Variants in DLG2 observed in about 807,000 individuals in gnomAD.
DLG2 encodes discs large MAGUK scaffold protein 2.
In DLG2, 45 loss-of-function variants were observed where a neutral mutation model predicts 132.5. The ratio of observed to expected loss-of-function variants is 0.34; its 90% CI spans 0.27 to 0.44. The LOEUF (loss-of-function observed/expected upper bound fraction) is 0.44. Among genes scored for constraint, DLG2 ranks in the 20% least tolerant of loss-of-function variants. The pLI is 1.00. For missense variants in DLG2, 1,045 were observed against 1,196.9 expected (o/e 0.87, Z 1.87); for synonymous variants, 424 against 419.6 (o/e 1.01, Z -0.13).
At chr11:85,270,000 T>G (rs968743319) in intron 4 of DLG2, among the ~76,000 whole-genome samples, 3 of 152,228 alleles carry the variant, frequency 2.0e-5, no homozygotes, top group South Asian at 2.1e-4. Flanking sequence ...AAGGGCCAGA[T>G]AAGTGTTAGC....
intron 3 of DLG2, among the ~76,000 whole-genome samples, chr11:85,531,166 A>G (rs1332713165): frequency 1.3e-5 from 2 of 152,234 alleles, no homozygotes; most frequent in Non-Finnish European, 2.9e-5. Context: ...TGCCAAGAGT[A>G]TGAAATCATT....
intron 5 of DLG2, among the ~76,000 whole-genome samples, chr11:85,137,832 C>G (rs2076225024): frequency 6.6e-6 from 1 of 152,126 alleles, no homozygotes; most frequent in Non-Finnish European, 1.5e-5. Context: ...AATAAATAGA[C>G]TGCAGGCAGG....
chr11:85,076,088 A>G lies in DLG2; in HGVS notation c.357+35573T>C, dbSNP rs142129882. ...TAAGCTTGTTGGTCAATCTTTCATCAAAGTAATAATGAATTTTTACCATGT... is the reference window on the plus strand; with the variant it reads ...TAAGCTTGTTGGTCAATCTTTCATCGAAGTAATAATGAATTTTTACCATGT... On this transcript the variant is annotated intron_variant, in intron 6 of 27. Transcript: ENST00000376104. Among the ~76,000 whole-genome samples the G allele has an allele frequency of 6.1e-4, 93 of 152,064 alleles. 1 individual carries two copies. The highest frequency in any genetic ancestry group is 2.2e-3 in the African/African-American group (90 of 41,538).
chr11:85,013,311 T>C (rs1001653757), intron 6 of DLG2, among the ~76,000 whole-genome samples: 6 of 152,168 alleles, frequency 3.9e-5, no homozygotes, highest in Admixed American at 1.3e-4. Flanking sequence ...TGACTCCCTC[T>C]TTCCTGAACC....
chr11:84,929,062 C>T (rs986828125), intron 6 of DLG2, among the ~76,000 whole-genome samples: 1 of 135,774 alleles, frequency 7.4e-6, no homozygotes, highest in Non-Finnish European at 1.5e-5. Flanking sequence ...ATTCTTGCCT[C>T]AGCTCACAAG....
intron 2 of DLG2, among the ~76,000 whole-genome samples, chr11:85,611,773 T>C (rs536715884): frequency 6.6e-6 from 1 of 152,216 alleles, no homozygotes; most frequent in East Asian, 1.9e-4. Context: ...GGAACCCCCA[T>C]TAAATACCAC....
chr11:85,004,249 T>C (rs2058452182), intron 6 of DLG2, among the ~76,000 whole-genome samples: 1 of 152,250 alleles, frequency 6.6e-6, no homozygotes, highest in African/African-American at 2.4e-5. Context: ...ATGGGATTGC[T>C]GAGGCAAATG....
chr11:83,522,115 C>G (rs1026569411), intron 21 of DLG2, among the ~76,000 whole-genome samples: 1 of 152,174 alleles, frequency 6.6e-6, no homozygotes, highest in Non-Finnish European at 1.5e-5. Flanking sequence ...ACCCTCTATT[C>G]GTTTACTTTT....
intron 3 of DLG2, 136 bp from the exon 4 acceptor site, chr11:85,285,501 A>T (rs2078498661): frequency 1.4e-6 from 1 of 714,314 alleles, no homozygotes; most frequent in Non-Finnish European, 2.2e-6. Context: ...CCCAAAGTAA[A>T]ACAGAAGAAA....
intron 18 of DLG2, among the ~76,000 whole-genome samples, chr11:83,691,181 G>C (rs750550952): frequency 5.9e-5 from 9 of 152,154 alleles, no homozygotes; most frequent in Non-Finnish European, 1.2e-4. Context: ...GGCAGAATCA[G>C]AGGTTTTTAG....
chr11:84,861,618 C>CAAAAAAAAAAAAAAAAAAAAAAAAAAAAA (rs1177657034), intron 6 of DLG2, among the ~76,000 whole-genome samples: 4 of 35,836 alleles, frequency 1.1e-4, no homozygotes, highest in African/African-American at 5.1e-4. Context: ...TTCTACACAG[C>CAAAAAAAAAAAAAAAAAAAAAAAAAAAAA]AAAAAAAAAA....
At chr11:85,191,918 A>C (rs1359891734) in intron 4 of DLG2, among the ~76,000 whole-genome samples, 1 of 152,222 alleles carries the variant, frequency 6.6e-6, no homozygotes, top group Non-Finnish European at 1.5e-5. Flanking sequence ...TTTGAGGCTC[A>C]GAAGTGTGAA....
intron 6 of DLG2, among the ~76,000 whole-genome samples, chr11:84,973,300 T>A (rs1460050007): frequency 6.6e-6 from 1 of 152,186 alleles, no homozygotes; most frequent in Non-Finnish European, 1.5e-5. Flanking sequence ...GACATGAGAA[T>A]ATCTTTTTAA....
In DLG2 at chr11:83,995,997, CT is replaced by C. The variant is rs534957420; in HGVS notation, c.920-15356del. ...AATGGGATCACAACAAGTTAAAAGG[CT>C]TCTGATAGTAAAGGAAACAATCAAC... On this transcript the variant is annotated intron_variant, in intron 11 of 27. Transcript: ENST00000376104. Among the ~76,000 whole-genome samples the C allele has an allele frequency of 3.3e-3, 501 of 152,118 alleles. 7 individuals carry two copies. Among genetic ancestry groups the C allele is most frequent in the African/African-American group, 0.011 (442 of 41,508 alleles).
intron 6 of DLG2, among the ~76,000 whole-genome samples, chr11:85,051,707 A>G (rs192545371): frequency 1.9e-3 from 287 of 152,344 alleles, no homozygotes; most frequent in African/African-American, 6.6e-3. Context: ...TAGCAGCTGT[A>G]TAACCTTGGC....
At chr11:84,560,384 G>T (rs1419395292) in intron 6 of DLG2, among the ~76,000 whole-genome samples, 1 of 152,200 alleles carries the variant, frequency 6.6e-6, no homozygotes, top group Admixed American at 6.5e-5. Context: ...CCAAGCAAGA[G>T]AAAAACACCC....
chr11:85,352,793 G>T (rs1022838124), intron 3 of DLG2, among the ~76,000 whole-genome samples: 6 of 152,136 alleles, frequency 3.9e-5, no homozygotes, highest in African/African-American at 1.4e-4. Flanking sequence ...TATGTAGAAA[G>T]CTGAAACTGG....
At chr11:83,661,450 T>A (rs2074249478) in intron 18 of DLG2, among the ~76,000 whole-genome samples, 1 of 152,146 alleles carries the variant, frequency 6.6e-6, no homozygotes, top group African/African-American at 2.4e-5. Flanking sequence ...ATATTATTAG[T>A]GGGTAAACAA....
intron 6 of DLG2, among the ~76,000 whole-genome samples, chr11:84,852,877 TAAA>T (rs578044271): frequency 1.3e-5 from 2 of 151,812 alleles, no homozygotes; most frequent in South Asian, 4.2e-4. Context: ...AAAAATAAAA[TAAA>T]AAAGTTGCCA....
Sources: allele counts gnomAD v4.1 joint callset (sites outside exome capture counted in the v4.1 genomes callset), GRCh38; gene constraint gnomAD v4.1.1; transcripts MANE v1.5; gene names NCBI Gene and HGNC (gene_info 2026-07-23, HGNC 2026-07-21).